Variants in CNTNAP2 observed in about 807,000 individuals in gnomAD.
The protein encoded by CNTNAP2 is contactin associated protein 2.
Under a neutral mutation model 155.2 loss-of-function variants are expected in CNTNAP2, and 98 were observed. The observed-to-expected ratio is 0.63, with a 90% confidence interval of 0.54 to 0.75. CNTNAP2 has a LOEUF of 0.75. Ranked by LOEUF, CNTNAP2 falls within the 30% of genes least tolerant of loss-of-function variation. CNTNAP2 has a pLI of 0.00. For synonymous variants in CNTNAP2, 651 were observed against 631.2 expected (o/e 1.03, Z -0.47); for missense variants, 1,727 against 1,688.1 (o/e 1.02, Z -0.40).
chr7:148,202,334 T>C (rs867792366), intron 18 of CNTNAP2, among the ~76,000 whole-genome samples: 25 of 152,234 alleles, frequency 1.6e-4, no homozygotes, highest in Non-Finnish European at 3.1e-4. Flanking sequence ...TATACAAACA[T>C]ATACATAATT....
intron 8 of CNTNAP2, among the ~76,000 whole-genome samples, chr7:147,219,681 T>C (rs1190794029): frequency 6.6e-6 from 1 of 152,214 alleles, no homozygotes; most frequent in African/African-American, 2.4e-5. Flanking sequence ...ACATTTTGCA[T>C]CCTTTAATCC....
rs1474113659 is a variant in CNTNAP2 at position 147,341,061 on chromosome 7, A to G, written c.1498+40771A>G. Among the ~76,000 whole-genome samples, 5 of 95,502 alleles carry G rather than the reference A, an allele frequency of 5.2e-5. No homozygotes were observed. The Admixed American group carries it at 5.8e-4, about 11-fold the overall frequency. 62.7% of individuals were successfully genotyped at this position (95,502 alleles called of 152,430 possible). A position where few individuals can be genotyped will look rare whatever the true frequency, so the allele number is the denominator to read the frequency against. On this transcript the variant is annotated intron_variant, in intron 9 of 23. Coordinates refer to ENST00000361727, the MANE Select transcript of CNTNAP2 (RefSeq NM_014141.6). ...TATAGACATGCCTGCCTCTTCCAGC[A>G]TTGTGTGTTTGTGTGTGTGTGTGTG...
intron 3 of CNTNAP2, among the ~76,000 whole-genome samples, chr7:146,940,696 T>TATACAC (rs1554412616): frequency 8.0e-5 from 12 of 149,094 alleles, no homozygotes; most frequent in African/African-American, 1.7e-4. Flanking sequence ...TATATATATA[T>TATACAC]ACACACACAC....
At chr7:147,553,046 TA>T in intron 11 of CNTNAP2, among the ~76,000 whole-genome samples, 1 of 152,316 alleles carries the variant, frequency 6.6e-6, no homozygotes, top group South Asian at 2.1e-4. Flanking sequence ...CAATGTCTAC[TA>T]AACTCCTAGA....
chr7:147,952,058 C>A (rs374616692), intron 14 of CNTNAP2, among the ~76,000 whole-genome samples: 13 of 151,978 alleles, frequency 8.6e-5, no homozygotes, highest in East Asian at 1.9e-4. Flanking sequence ...ATGAATACCT[C>A]AAACTGAATG....
At chr7:146,990,255 A>T (rs1332567340) in intron 3 of CNTNAP2, among the ~76,000 whole-genome samples, 2 of 152,134 alleles carry the variant, frequency 1.3e-5, no homozygotes, top group African/African-American at 4.8e-5. Context: ...CATTCAATGA[A>T]TGAGTTGCTA....
At chr7:147,656,701 T>G (rs1339113181) in intron 13 of CNTNAP2, among the ~76,000 whole-genome samples, 1 of 152,140 alleles carries the variant, frequency 6.6e-6, no homozygotes, top group Non-Finnish European at 1.5e-5. Context: ...ATGAAAAATT[T>G]TAAATTTTGA....
chr7:147,052,062 A>G lies in CNTNAP2; in HGVS notation c.550+8008A>G, dbSNP rs1002684629. The stretch of plus-strand genomic sequence containing the variant: ...TCATTGGAGATACTTTCTCTAACCA[A>G]AATAGCCTCTCCATCATCCTTTACC... On this transcript the variant is annotated intron_variant, in intron 4 of 23. Coordinates refer to ENST00000361727, the MANE Select transcript of CNTNAP2 (RefSeq NM_014141.6). 2.0e-5 allele frequency among the ~76,000 whole-genome samples: 3 copies of G among 152,070 alleles called. No individual in the cohort carries two copies. The East Asian group carries it at 5.8e-4, about 29-fold the overall frequency.
chr7:146,267,330 G>T (rs551694168), intron 1 of CNTNAP2, among the ~76,000 whole-genome samples: 9 of 152,228 alleles, frequency 5.9e-5, no homozygotes, highest in Admixed American at 3.9e-4. Flanking sequence ...CCAATTGGAA[G>T]CCGGTTACAT....
chr7:146,667,162 T>G (rs1368491999), intron 1 of CNTNAP2, among the ~76,000 whole-genome samples: 1 of 152,138 alleles, frequency 6.6e-6, no homozygotes. Context: ...GAGCTTTGTA[T>G]GTGGTGAGAG....
At chr7:146,579,127 T>C (rs947717663) in intron 1 of CNTNAP2, among the ~76,000 whole-genome samples, 1 of 152,154 alleles carries the variant, frequency 6.6e-6, no homozygotes, top group African/African-American at 2.4e-5. Flanking sequence ...CATTACATAT[T>C]TGATCCAACA....
At chr7:148,302,737 T>A (rs1282498475) in intron 21 of CNTNAP2, among the ~76,000 whole-genome samples, 5 of 152,060 alleles carry the variant, frequency 3.3e-5, no homozygotes, top group Non-Finnish European at 7.4e-5. Flanking sequence ...GTAAGTTTCA[T>A]GAGACCTCCC....
In CNTNAP2 at chr7:147,712,679, GTGGGAATTGA is replaced by G. The variant is rs537168190; in HGVS notation, c.2098+73374_2098+73383del. On this transcript the variant is annotated intron_variant, in intron 13 of 23. Transcript: ENST00000361727. Reference sequence around the variant, plus strand: ...AAACACCGCATGTTCTCACTCATAGGTGGGAATTGAACAATAAGAACACTTGGACACAGGA... The same window carrying G: ...AAACACCGCATGTTCTCACTCATAGGACAATAAGAACACTTGGACACAGGA... 1.5e-3 allele frequency among the ~76,000 whole-genome samples: 233 copies of G among 152,272 alleles called. 1 individual carries two copies. Among genetic ancestry groups the G allele is most frequent in the Non-Finnish European group, 2.1e-3 (145 of 68,022 alleles).
chr7:146,973,542 A>G (rs556299410), intron 3 of CNTNAP2, among the ~76,000 whole-genome samples: 2 of 152,350 alleles, frequency 1.3e-5, no homozygotes, highest in African/African-American at 2.4e-5. Flanking sequence ...TTTAAGGATA[A>G]TTAAAAACCA....
chr7:147,182,727 AT>A (rs1336700404), intron 8 of CNTNAP2, among the ~76,000 whole-genome samples: 1 of 151,892 alleles, frequency 6.6e-6, no homozygotes, highest in East Asian at 1.9e-4. Context: ...CCTAAACTTT[AT>A]TTTTTTATTA....
chr7:147,231,261 T>C (rs566149249), intron 8 of CNTNAP2, among the ~76,000 whole-genome samples: 4 of 152,184 alleles, frequency 2.6e-5, no homozygotes, highest in Non-Finnish European at 5.9e-5. Flanking sequence ...CATATGGCAG[T>C]GTTTCCTTCT....
At chr7:146,424,082 T>C (rs1344041724) in intron 1 of CNTNAP2, among the ~76,000 whole-genome samples, 1 of 152,130 alleles carries the variant, frequency 6.6e-6, no homozygotes, top group African/African-American at 2.4e-5. Flanking sequence ...TTGGGGGAAA[T>C]TTCATAATGC....
At chr7:148,320,385 T>C (rs946925719) in intron 21 of CNTNAP2, among the ~76,000 whole-genome samples, 22 of 133,856 alleles carry the variant, frequency 1.6e-4, no homozygotes, top group Non-Finnish European at 2.5e-4. Flanking sequence ...TCTTTTTTTT[T>C]TTTTTTTTTT....
At chr7:147,904,595 C>T (rs1472485064) in intron 14 of CNTNAP2, among the ~76,000 whole-genome samples, 2 of 152,248 alleles carry the variant, frequency 1.3e-5, no homozygotes, top group East Asian at 1.9e-4. Flanking sequence ...CTTCAGTTCA[C>T]CTATGTAGTA....
Sources: gnomAD v4.1 joint callset for allele counts (sites outside exome capture counted in the v4.1 genomes callset) on GRCh38, gnomAD v4.1.1 for gene constraint, MANE v1.5 for transcripts, NCBI Gene and HGNC (gene_info 2026-07-23, HGNC 2026-07-21) for gene names.